The following TNRC6B variants were observed in gnomAD, a reference collection of about 807,000 sequenced individuals.
The protein encoded by TNRC6B is trinucleotide repeat-containing gene 6B protein.
Under a neutral mutation model 203.6 loss-of-function variants are expected in TNRC6B, and 52 were observed. The ratio of observed to expected loss-of-function variants is 0.26; its 90% CI spans 0.20 to 0.32. TNRC6B has a LOEUF of 0.32. Among genes scored for constraint, TNRC6B ranks in the 10% least tolerant of loss-of-function variants. The probability of loss-of-function intolerance (pLI) is 1.00; values close to 1 mark genes in which losing one functional copy is unlikely to be tolerated. For missense variants in TNRC6B, 1,923 were observed against 2,286.2 expected (o/e 0.84, Z 3.24); for synonymous variants, 838 against 845.7 (o/e 0.99, Z 0.16).
At chr22:40,153,549 G>GAAA (rs35636391) in intron 3 of TNRC6B, among the ~76,000 whole-genome samples, 5 of 145,564 alleles carry the variant, frequency 3.4e-5, no homozygotes, top group Non-Finnish European at 6.0e-5. Flanking sequence ...TACTAAGCTA[G>GAAA]AAAAAAAAAA....
intron 4 of TNRC6B, 27 bp from the exon 5 acceptor site, chr22:40,264,661 T>C: frequency 6.5e-7 from 1 of 1,543,836 alleles, no homozygotes; most frequent in Non-Finnish European, 8.7e-7. Flanking sequence ...TTTGAAGCTG[T>C]GATTAATAAG....
chr22:40,289,414 G>T (rs2146532789), intron 12 of TNRC6B, among the ~76,000 whole-genome samples: 1 of 152,296 alleles, frequency 6.6e-6, no homozygotes, highest in East Asian at 1.9e-4. Flanking sequence ...TCTAGGTAAG[G>T]CAGCGACAGT....
At chr22:40,308,293 G>A (rs531270571) in intron 15 of TNRC6B, among the ~76,000 whole-genome samples, 2 of 152,304 alleles carry the variant, frequency 1.3e-5, no homozygotes, top group East Asian at 1.9e-4. Flanking sequence ...AGACCTGATC[G>A]ATGGCAGTCA....
At chr22:40,101,955 G>A (rs1026230037) in intron 1 of TNRC6B, among the ~76,000 whole-genome samples, 9 of 152,216 alleles carry the variant, frequency 5.9e-5, no homozygotes, top group Non-Finnish European at 1.0e-4. Flanking sequence ...TTTCATGGCC[G>A]AGCCAGTGAC....
chr22:40,149,679 C>CAAAA (rs58482182), intron 3 of TNRC6B, among the ~76,000 whole-genome samples: 6 of 84,818 alleles, frequency 7.1e-5, no homozygotes, highest in Non-Finnish European at 1.4e-4. Flanking sequence ...CCTCCCCCGC[C>CAAAA]AAAAAAAAAA....
At chr22:40,066,728 GTA>G (rs1039484510) in intron 1 of TNRC6B, among the ~76,000 whole-genome samples, 7 of 151,974 alleles carry the variant, frequency 4.6e-5, no homozygotes, top group Admixed American at 4.6e-4. Flanking sequence ...ATATTTGCTG[GTA>G]TATATTATTG....
At chr22:40,174,568 T>G (rs1161538997), upstream of TNRC6B, among the ~76,000 whole-genome samples, 2 of 152,228 alleles carry the variant, frequency 1.3e-5, no homozygotes, top group East Asian at 3.8e-4. Flanking sequence ...ATTTGAATGT[T>G]CTTGTTTTTA....
intron 17 of TNRC6B, among the ~76,000 whole-genome samples, chr22:40,311,332 G>A (rs1256404284): frequency 6.6e-6 from 1 of 152,136 alleles, no homozygotes; most frequent in Admixed American, 6.5e-5. Context: ...GTATGCAGTA[G>A]CGATTGCAAT....
intron 10 of TNRC6B, among the ~76,000 whole-genome samples, chr22:40,280,571 T>C (rs2070709842): frequency 6.6e-6 from 1 of 152,252 alleles, no homozygotes; most frequent in Non-Finnish European, 1.5e-5. Flanking sequence ...TTAGTTACAA[T>C]GGTATACTTT....
chr22:40,195,756 A>ATTTTGTTTTG (rs561178664), intron 1 of TNRC6B, among the ~76,000 whole-genome samples: 3 of 149,484 alleles, frequency 2.0e-5, no homozygotes, highest in Admixed American at 6.6e-5. Context: ...CCTCAGCTTT[A>ATTTTGTTTTG]TTTTGTTTTG....
chr22:40,253,830 T>C (rs922106567), intron 3 of TNRC6B: 25 of 423,092 alleles, frequency 5.9e-5, no homozygotes, highest in African/African-American at 4.7e-4. Flanking sequence ...CTTCTTCTTC[T>C]CTTACCTCAG....
chr22:40,186,369 C>T lies in TNRC6B; in HGVS notation c.5+8229C>T, dbSNP rs538248088. Among the ~76,000 whole-genome samples the T allele has an allele frequency of 9.1e-4, 139 of 152,090 alleles. 5 individuals are homozygous for T. The South Asian group carries it at 0.028, about 31-fold the overall frequency. ...TTCCAGTGTTGGTATGGGAATCATT[C>T]GATGGCGCCAGCACCGCCCAGTAGG... On this transcript the variant is annotated intron_variant, in intron 1 of 22. Coordinates refer to ENST00000454349, the MANE Select transcript of TNRC6B (RefSeq NM_001162501.2).
rs1490906487 is a variant in TNRC6B, at chr22:40,154,875, A to G, written c.46-1240A>G. Among the ~76,000 whole-genome samples, 29 of 51,356 alleles carry G rather than the reference A, an allele frequency of 5.6e-4. 1 individual carries two copies. The highest frequency in any genetic ancestry group is 3.2e-3 in the East Asian group (9 of 2,784). The allele number at this position is 51,356 out of a possible 152,430, so 33.7% of individuals were successfully genotyped here. On this transcript the variant is annotated intron_variant, in intron 3 of 23. Coordinates refer to the TNRC6B transcript ENST00000301923. Reference sequence around the variant, plus strand: ...AAAAAAAAAAAATATATATATATATATATATATATATATATATATACATAT... The same window carrying G: ...AAAAAAAAAAAATATATATATATATGTATATATATATATATATATACATAT...
Position 40,330,603 on chromosome 22 carries a change from CA to C in TNRC6B, c.*7363del, listed in dbSNP as rs1423429252. 1 of 152,658 alleles carries C rather than the reference CA, an allele frequency of 6.6e-6. No homozygotes were observed. Among genetic ancestry groups the C allele is most frequent in the Non-Finnish European group, 1.5e-5 (1 of 68,042 alleles). 9.5% of individuals were successfully genotyped at this position (152,658 alleles called of 1,614,324 possible). A position where few individuals can be genotyped will look rare whatever the true frequency, so the allele number is the denominator to read the frequency against. On this transcript the variant is annotated 3_prime_UTR_variant, in exon 23 of 23. Coordinates refer to ENST00000454349, the MANE Select transcript of TNRC6B (RefSeq NM_001162501.2). ...TTTCTCACCAAGTGATGCATTTTAGCATGACACTTCTTGCCAGAAATTTTGG... is the reference window on the plus strand; with the variant it reads ...TTTCTCACCAAGTGATGCATTTTAGCTGACACTTCTTGCCAGAAATTTTGG...
At chr22:40,116,711 C>T (rs1447718863) in intron 1 of TNRC6B, among the ~76,000 whole-genome samples, 1 of 152,170 alleles carries the variant, frequency 6.6e-6, no homozygotes, top group African/African-American at 2.4e-5. Context: ...TGACGGATGT[C>T]AGGGTCTGAC....
intron 1 of TNRC6B, among the ~76,000 whole-genome samples, chr22:40,191,756 A>G (rs528506367): frequency 2.0e-5 from 3 of 151,846 alleles, no homozygotes; most frequent in Non-Finnish European, 4.4e-5. Context: ...TTATTTATTT[A>G]TTTAATTATT....
chr22:40,106,011 A>C (rs73424258), intron 1 of TNRC6B, among the ~76,000 whole-genome samples: 8,677 of 152,100 alleles, frequency 0.057, 792 homozygotes, highest in African/African-American at 0.19. Flanking sequence ...TTTTGCATCA[A>C]CCTTACTTAC....
intron 1 of TNRC6B, chr22:40,106,663 C>A: frequency 2.7e-6 from 2 of 752,034 alleles, no homozygotes; most frequent in South Asian, 2.7e-5. Flanking sequence ...ACTCTACAAT[C>A]CTCAGCATGT....
At chr22:40,199,404 C>A (rs1477805857) in intron 1 of TNRC6B, among the ~76,000 whole-genome samples, 1 of 152,132 alleles carries the variant, frequency 6.6e-6, no homozygotes, top group Non-Finnish European at 1.5e-5. Flanking sequence ...AATCATGCCA[C>A]CTGCTAGGAT....
Sources: allele counts gnomAD v4.1 joint callset (sites outside exome capture counted in the v4.1 genomes callset), GRCh38; gene constraint gnomAD v4.1.1; transcripts MANE v1.5; gene names NCBI Gene and HGNC (gene_info 2026-07-23, HGNC 2026-07-21).